Variants in FAT1 observed in about 807,000 individuals in gnomAD.
The protein encoded by FAT1 is FAT atypical cadherin 1.
FAT1 carries 171 observed loss-of-function variants against 329.8 expected under a neutral mutation model. The ratio of observed to expected loss-of-function variants is 0.52; its 90% CI spans 0.46 to 0.59. The LOEUF is 0.59. Ranked by LOEUF, FAT1 falls within the 20% of genes least tolerant of loss-of-function variation. The probability of loss-of-function intolerance (pLI) is 0.00; values close to 1 mark genes in which losing one functional copy is unlikely to be tolerated. For synonymous variants in FAT1, 2,233 were observed against 2,228.6 expected, an observed-to-expected ratio of 1.00 and a Z score of -0.06; for missense variants, 5,672 against 5,774.4, an observed-to-expected ratio of 0.98 and a Z score of 0.57.
chr4:186,669,424 A>T (rs1742633287), intron 2 of FAT1, among the ~76,000 whole-genome samples: 1 of 152,232 alleles, frequency 6.6e-6, no homozygotes, highest in South Asian at 2.1e-4. Context: ...CACGCTTGTT[A>T]CGTGTGCCAC....
chr4:186,614,212 A>G lies in FAT1; in HGVS notation c.9208T>C (p.Phe3070Leu). 6.3e-7 allele frequency: 1 copy of G among 1,599,504 alleles called. No individual in the cohort carries two copies. The highest frequency in any genetic ancestry group is 8.5e-7 in the Non-Finnish European group (1 of 1,175,752). The change falls in exon 12 of 27, where the codon TTC (phenylalanine) becomes CTC (leucine). Residue 3070 changes from phenylalanine to leucine, a missense_variant. Phe to Leu is a conservative substitution (Grantham distance 22). This residue lies in a region of FAT1 where 3,966 missense variants were observed against 3,915.2 expected (regional missense o/e 1.01). Coordinates refer to ENST00000441802, the MANE Select transcript of FAT1 (RefSeq NM_005245.4). ...YTLLGSGAEK[F>L]KLNPDTGELK... Reference sequence around the variant, plus strand: ...TTACCTGTGTCTGGATTTAGTTTGAATTTTTCTGCACCTGAACCCAATAAC... The same window carrying G: ...TTACCTGTGTCTGGATTTAGTTTGAGTTTTTCTGCACCTGAACCCAATAAC...
chr4:186,707,165 T>A lies in FAT1; in HGVS notation c.2663A>T (p.Gln888Leu), dbSNP rs778907024. Reference protein sequence around the residue: ...NIARPLDRELQHEHSLKIEAR... With the variant: ...NIARPLDRELLHEHSLKIEAR... ...CTCAATCTTTAAGGAGTGCTCATGC[T>A]GCAGCTCTCGATCCAGAGGGCGTGC... The change falls in exon 2 of 27, where the codon CAG becomes CTG. Residue 888 changes from glutamine (Q) to leucine (L), a missense_variant. Gln to Leu is a moderately radical substitution (Grantham distance 113). Transcript: ENST00000441802. 2 of 1,613,982 alleles carry A rather than the reference T, an allele frequency of 1.2e-6. No individual in the cohort carries two copies. The highest frequency in any genetic ancestry group is 1.7e-6 in the Non-Finnish European group (2 of 1,179,888).
At chr4:186,654,386 A>G (rs6830597) in intron 3 of FAT1, among the ~76,000 whole-genome samples, 51,610 of 151,956 alleles carry the variant, frequency 0.34, 9,133 homozygotes, top group Middle Eastern at 0.42. Flanking sequence ...GACGGGTGGA[A>G]GAGTGGTATA....
In FAT1 at chr4:186,708,923, T is replaced by C; in HGVS notation, c.905A>G (p.Gln302Arg). ...TGGAAAGGACCTCACTGTTCTAAACTGCTGGAGAAGGTCACCTGCCACGAT... is the reference window on the plus strand; with the variant it reads ...TGGAAAGGACCTCACTGTTCTAAACCGCTGGAGAAGGTCACCTGCCACGAT... ...LSIVAGDLLQQFRTVRSFPGS... is the reference protein window; with the variant it reads ...LSIVAGDLLQRFRTVRSFPGS... Residue 302 changes from glutamine to arginine, a missense_variant, in exon 2 of 27, where the codon CAG becomes CGG. By Grantham distance (43) the Gln-to-Arg change is conservative (BLOSUM62 1). Transcript: ENST00000441802. 6.2e-7 allele frequency: 1 copy of C among 1,614,010 alleles called. No individual in the cohort carries two copies. The highest frequency in any genetic ancestry group is 2.2e-5 in the East Asian group (1 of 44,886).
intron 12 of FAT1, among the ~76,000 whole-genome samples, chr4:186,613,863 T>C (rs764262645): frequency 6.6e-6 from 1 of 152,364 alleles, no homozygotes; most frequent in Non-Finnish European, 1.5e-5. Flanking sequence ...AAATATGCTA[T>C]TTAAATAAAA....
At chr4:186,700,150 G>C (rs1016485937) in intron 2 of FAT1, among the ~76,000 whole-genome samples, 2 of 152,144 alleles carry the variant, frequency 1.3e-5, no homozygotes, top group Non-Finnish European at 2.9e-5. Context: ...CATGTAACTC[G>C]ATGCAGAGGG....
rs190894579 is a variant in FAT1 at position 186,655,785 on chromosome 4, G to A, written c.3580+7514C>T. ...ATACTGTTATGGAAAAACCCAAGAT[G>A]CATATCCATGTATACAGTATGCTAT... is the stretch of plus-strand genomic sequence containing the variant. On this transcript the variant is annotated intron_variant, in intron 3 of 26. Transcript: ENST00000441802. 3.4e-4 allele frequency among the ~76,000 whole-genome samples: 52 copies of A among 152,300 alleles called. No individual in the cohort carries two copies. The East Asian group carries it at 7.3e-3, about 21-fold the overall frequency.
Position 186,619,897 on chromosome 4 carries a change from T to A in FAT1, c.6689A>T (p.Asn2230Ile), listed in dbSNP as rs1188440584. 1 of 1,613,910 alleles carries A rather than the reference T, an allele frequency of 6.2e-7. No homozygotes were observed. The highest frequency in any genetic ancestry group is 1.1e-5 in the South Asian group (1 of 91,070). Residue 2230 changes from asparagine (N) to isoleucine (I), a missense_variant, in exon 10 of 27, where the codon AAC becomes ATC. Physicochemically the swap from Asn to Ile is moderately radical, Grantham distance 149 (BLOSUM62 -3). Around this residue, in one of 2 missense-constraint regions of FAT1, gnomAD observed 3,966 missense variants for 3,915.2 expected, o/e 1.01. Transcript: ENST00000441802. ...DGDPFSQFTI[N>I]FNTGVINVIA... ...GACATTGATAACTCCAGTATTGAAG[T>A]TAATAGTGAACTGGCTGAAAGGGTC... is the stretch of plus-strand genomic sequence containing the variant.
rs1176047983 is a variant in FAT1, at chr4:186,707,270, G to T, written c.2558C>A (p.Pro853His). ...QVEATDKDLG[P>H]NGHVTYSIVT... ...AATTGAGTACGTCACGTGTCCGTTG[G>T]GCCCCAGGTCTTTATCTGTGGCTTC... The change falls in exon 2 of 27, where the codon CCC becomes CAC. Residue 853 changes from proline to histidine, a missense_variant. By Grantham distance (77) the Pro-to-His change is moderately conservative. Coordinates refer to ENST00000441802, the MANE Select transcript of FAT1 (RefSeq NM_005245.4). 6.2e-7 allele frequency: 1 copy of T among 1,613,888 alleles called. No individual in the cohort carries two copies. Among genetic ancestry groups the T allele is most frequent in the African/African-American group, 1.3e-5 (1 of 75,018 alleles).
chr4:186,620,101 G>A lies in FAT1; in HGVS notation c.6485C>T (p.Pro2162Leu), dbSNP rs374238457. The change falls in exon 10 of 27, where the codon CCG (proline) becomes CTG (leucine). Residue 2162 changes from proline to leucine, a missense_variant. This residue lies in a region of FAT1 where 3,966 missense variants were observed against 3,915.2 expected (regional missense o/e 1.01). Coordinates refer to ENST00000441802, the MANE Select transcript of FAT1 (RefSeq NM_005245.4). ...AACGATAACTTCCGCTGAAAAGGCCGGGTTCCCTCCATCTTTTGCAACCAC... is the reference window on the plus strand; with the variant it reads ...AACGATAACTTCCGCTGAAAAGGCCAGGTTCCCTCCATCTTTTGCAACCAC... ...VTVVAKDGGNPAFSAEVIVPI... is the reference protein window; with the variant it reads ...VTVVAKDGGNLAFSAEVIVPI... 3.7e-6 allele frequency: 6 copies of A among 1,613,850 alleles called. No homozygotes were observed. The highest frequency in any genetic ancestry group is 1.7e-5 in the Admixed American group (1 of 60,000).
intron 2 of FAT1, among the ~76,000 whole-genome samples, chr4:186,674,148 C>T (rs1742849313): frequency 6.6e-6 from 1 of 152,168 alleles, no homozygotes; most frequent in African/African-American, 2.4e-5. Flanking sequence ...CTTTAATATG[C>T]CATATTGTTT....
At chr4:186,612,088 C>T (rs1739474869) in intron 13 of FAT1, among the ~76,000 whole-genome samples, 2 of 150,032 alleles carry the variant, frequency 1.3e-5, no homozygotes, top group African/African-American at 4.9e-5. Context: ...GGATCCCAGG[C>T]GTGAGCCACC....
chr4:186,687,451 C>T (rs971870939), intron 2 of FAT1, among the ~76,000 whole-genome samples: 1 of 152,146 alleles, frequency 6.6e-6, no homozygotes, highest in Non-Finnish European at 1.5e-5. Flanking sequence ...AGCAATTTCA[C>T]TTCCTGTTAT....
rs7656424 is a variant in FAT1, at chr4:186,609,456, A to G, written c.10069-136T>C. ...TTTTGAGATGGAGCCTTGCTCTGTC[A>G]CTCAGGCTGGAGTGCAGTGGCACAA... On this transcript the variant is annotated intron_variant, in intron 15 of 26. Coordinates refer to ENST00000441802, the MANE Select transcript of FAT1 (RefSeq NM_005245.4). The G allele has an allele frequency of 6.5e-3, 7,008 of 1,079,624 alleles. 220 individuals are homozygous for G. The African/African-American group carries it at 0.079, about 12-fold the overall frequency. The allele number at this position is 1,079,624 out of a possible 1,614,324, so 66.9% of individuals were successfully genotyped here. A position where few individuals can be genotyped will look rare whatever the true frequency, so the allele number is the denominator to read the frequency against.
intron 26 of FAT1, among the ~76,000 whole-genome samples, chr4:186,593,946 AATTACATTATG>A (rs1457440437): frequency 6.6e-6 from 1 of 152,208 alleles, no homozygotes; most frequent in Non-Finnish European, 1.5e-5. Flanking sequence ...TACAACTGAT[AATTACATTATG>A]GTAATGAGTA....
chr4:186,671,889 A>G (rs1417053730), intron 2 of FAT1, among the ~76,000 whole-genome samples: 1 of 152,062 alleles, frequency 6.6e-6, no homozygotes, highest in African/African-American at 2.4e-5. Context: ...GTTATTTACT[A>G]CTGTGGACTA....
At chr4:186,672,060 AT>A (rs1244400066) in intron 2 of FAT1, among the ~76,000 whole-genome samples, 5 of 152,170 alleles carry the variant, frequency 3.3e-5, no homozygotes, top group Non-Finnish European at 7.3e-5. Flanking sequence ...TTTATAAGAT[AT>A]TACTATTTAC....
At chr4:186,604,256 G>A in intron 18 of FAT1, 121 bp downstream of exon 18, 1 of 839,462 alleles carries the variant, frequency 1.2e-6, no homozygotes, top group Non-Finnish European at 1.8e-6. Context: ...AACAAAGACA[G>A]CAATTCTATG....
intron 1 of FAT1, among the ~76,000 whole-genome samples, chr4:186,713,869 T>C (rs1460256769): frequency 6.6e-6 from 1 of 152,128 alleles, no homozygotes; most frequent in East Asian, 1.9e-4. Flanking sequence ...GTATTTTTTA[T>C]AGAGACGGGG....
Sources: allele counts gnomAD v4.1 joint callset (sites outside exome capture counted in the v4.1 genomes callset), GRCh38; gene constraint gnomAD v4.1.1; regional missense constraint gnomAD v4.1.1; transcripts MANE v1.5; gene names NCBI Gene and HGNC (gene_info 2026-07-23, HGNC 2026-07-21).